Variants in MARCHF8 observed in about 807,000 individuals in gnomAD.
The protein encoded by MARCHF8 is membrane associated ring-CH-type finger 8.
MARCHF8 carries 40 observed loss-of-function variants against 51.6 expected under a neutral mutation model. That is an observed-to-expected ratio of 0.77 (90% CI 0.60 to 1.01). The LOEUF (loss-of-function observed/expected upper bound fraction) is 1.01, where lower values mean the gene tolerates loss of function less well. MARCHF8 is among the 50% of genes least tolerant of loss of function. The pLI, the probability that MARCHF8 is intolerant of heterozygous loss-of-function variation, is 0.00. For missense variants in MARCHF8, 685 were observed against 708.6 expected (o/e 0.97, Z 0.38); for synonymous variants, 263 against 280.3 (o/e 0.94, Z 0.62).
At chr10:45,558,744 T>C (rs2044278978) in intron 1 of MARCHF8, among the ~76,000 whole-genome samples, 1 of 152,202 alleles carries the variant, frequency 6.6e-6, no homozygotes. Flanking sequence ...AACACCCAGC[T>C]ACTGACAGTG....
In MARCHF8 at chr10:45,458,279, G is replaced by A. The variant is rs1249066332; in HGVS notation, c.1682C>T (p.Thr561Ile). Residue 561 changes from threonine (T) to isoleucine (I), a missense_variant, in exon 8 of 8, where the codon ACA (threonine) becomes ATA (isoleucine). Physicochemically the swap from Thr to Ile is moderately conservative, Grantham distance 89. Coordinates refer to ENST00000453424, the MANE Select transcript of MARCHF8 (RefSeq NM_001282866.2). Reference sequence around the variant, plus strand: ...TTCTGCTCCAGTGTCTTCAGGCTCTGTGCAACAAGAAGAGTTTGTGTCGGA... The same window carrying A: ...TTCTGCTCCAGTGTCTTCAGGCTCTATGCAACAAGAAGAGTTTGTGTCGGA... ...CHSDTNSSCC[T>I]EPEDTGAEII... 3 of 1,613,748 alleles carry A rather than the reference G, an allele frequency of 1.9e-6. No individual in the cohort carries two copies. Among genetic ancestry groups the A allele is most frequent in the Non-Finnish European group, 2.5e-6 (3 of 1,179,954 alleles).
At chr10:45,582,972 G>A (rs1307222499) in intron 1 of MARCHF8, among the ~76,000 whole-genome samples, 1 of 152,156 alleles carries the variant, frequency 6.6e-6, no homozygotes, top group Non-Finnish European at 1.5e-5. Flanking sequence ...AATGGTAAAT[G>A]AGGAGTTTAA....
At chr10:45,530,867 A>G (rs2043869004) in intron 2 of MARCHF8, among the ~76,000 whole-genome samples, 1 of 152,216 alleles carries the variant, frequency 6.6e-6, no homozygotes, top group Admixed American at 6.5e-5. Flanking sequence ...GCCAACAATG[A>G]CAGAAAAGAG....
At chr10:45,489,534 G>T in intron 2 of MARCHF8, 117 bp from the exon 3 acceptor site, 1 of 907,764 alleles carries the variant, frequency 1.1e-6, no homozygotes, top group Non-Finnish European at 1.7e-6. Flanking sequence ...AATTTGCAAA[G>T]CACAACCTAC....
intron 2 of MARCHF8, among the ~76,000 whole-genome samples, chr10:45,518,964 T>C (rs1251891114): frequency 6.6e-6 from 1 of 152,220 alleles, no homozygotes; most frequent in Non-Finnish European, 1.5e-5. Context: ...ACACTTCCTT[T>C]GTCAGTGTTA....
At chr10:45,536,407 T>C (rs1335507908), upstream of MARCHF8, among the ~76,000 whole-genome samples, 2 of 151,380 alleles carry the variant, frequency 1.3e-5, no homozygotes, top group African/African-American at 4.9e-5. Flanking sequence ...AAACTACACA[T>C]CATCAGAATA....
intron 1 of MARCHF8, among the ~76,000 whole-genome samples, chr10:45,549,128 G>A (rs1331027102): frequency 6.6e-6 from 1 of 152,146 alleles, no homozygotes; most frequent in Non-Finnish European, 1.5e-5. Context: ...GAGAGGTCAA[G>A]GCTCCAGCAG....
At chr10:45,475,569 C>T (rs1332092433) in intron 3 of MARCHF8, among the ~76,000 whole-genome samples, 3 of 152,154 alleles carry the variant, frequency 2.0e-5, no homozygotes, top group African/African-American at 4.8e-5. Flanking sequence ...CACTCAATTG[C>T]GTACACATTT....
intron 1 of MARCHF8, among the ~76,000 whole-genome samples, chr10:45,590,373 A>C (rs1485814213): frequency 6.6e-6 from 1 of 152,110 alleles, no homozygotes; most frequent in Non-Finnish European, 1.5e-5. Context: ...TGGATACTAG[A>C]CCTTTAATAG....
chr10:45,572,571 T>C (rs2044442912), intron 1 of MARCHF8, among the ~76,000 whole-genome samples: 1 of 152,186 alleles, frequency 6.6e-6, no homozygotes, highest in African/African-American at 2.4e-5. Context: ...AAATAATTCT[T>C]GTTGTAAAAT....
Position 45,515,877 on chromosome 10 carries a change from C to T in MARCHF8, c.102+17233G>A, listed in dbSNP as rs556775625. Among the ~76,000 whole-genome samples the T allele has an allele frequency of 6.6e-5, 10 of 152,330 alleles. No homozygotes were observed. In the South Asian group the frequency reaches 2.1e-3, roughly 32 times the overall value. On this transcript the variant is annotated intron_variant, in intron 2 of 7. Transcript: ENST00000453424. The stretch of plus-strand genomic sequence containing the variant: ...GGTGTGTGGTAAAGAGACAAAGGAA[C>T]CAGTCTCTATTGAAAGCCCTAACTC...
intron 1 of MARCHF8, among the ~76,000 whole-genome samples, chr10:45,560,614 GTCCCCTAGCCCGC>G (rs144025206): frequency 1.3e-5 from 2 of 152,126 alleles, no homozygotes; most frequent in African/African-American, 4.8e-5. Flanking sequence ...GAGCAGCCCG[GTCCCCTAGCCCGC>G]TCCCCTAGCT....
chr10:45,534,754 C>A (rs1054205955), intron 1 of MARCHF8, among the ~76,000 whole-genome samples: 2 of 152,036 alleles, frequency 1.3e-5, no homozygotes, highest in Non-Finnish European at 2.9e-5. Flanking sequence ...GGCCTGACAA[C>A]CCCAAGGTCA....
Position 45,458,270 on chromosome 10 carries a change from T to C in MARCHF8, c.1691A>G (p.Glu564Gly). ...GTGAATGATTTCTGCTCCAGTGTCTTCAGGCTCTGTGCAACAAGAAGAGTT... is the reference window on the plus strand; with the variant it reads ...GTGAATGATTTCTGCTCCAGTGTCTCCAGGCTCTGTGCAACAAGAAGAGTT... ...DTNSSCCTEPEDTGAEIIHV is the reference protein window; with the variant it reads ...DTNSSCCTEPGDTGAEIIHV The change falls in exon 8 of 8, where the codon GAA (glutamate) becomes GGA (glycine). Residue 564 changes from glutamate (E) to glycine (G), a missense_variant. By Grantham distance (98) the Glu-to-Gly change is moderately conservative. Coordinates refer to ENST00000453424, the MANE Select transcript of MARCHF8 (RefSeq NM_001282866.2). The C allele has an allele frequency of 1.2e-6, 2 of 1,613,650 alleles. No individual in the cohort carries two copies. The highest frequency in any genetic ancestry group is 1.7e-6 in the Non-Finnish European group (2 of 1,179,862).
At position 45,463,777 on chromosome 10, in the gene MARCHF8, G is replaced by C. The variant is rs1319404070; in HGVS notation, c.462C>G (p.Phe154Leu). 1.9e-6 allele frequency: 3 copies of C among 1,551,004 alleles called. No homozygotes were observed. The highest frequency in any genetic ancestry group is 2.4e-5 in the East Asian group (1 of 40,920). ...KNTKARRTLK[F>L]SRSLNDVGEK... Reference sequence around the variant, plus strand: ...CACCCACATCATTGAGGGACCTTGAGAACTTTAGTGTTCTTCTGGCTTTGG... The same window carrying C: ...CACCCACATCATTGAGGGACCTTGACAACTTTAGTGTTCTTCTGGCTTTGG... Residue 154 changes from phenylalanine to leucine, a missense_variant, in exon 5 of 8, where the codon TTC (phenylalanine) becomes TTG (leucine). By Grantham distance (22) the Phe-to-Leu change is conservative. Transcript: ENST00000453424.
In MARCHF8 at chr10:45,467,538, A is replaced by C. The variant is rs949697225; in HGVS notation, c.154-3211T>G. On this transcript the variant is annotated intron_variant, in intron 3 of 7. Coordinates refer to ENST00000453424, the MANE Select transcript of MARCHF8 (RefSeq NM_001282866.2). Reference sequence around the variant, plus strand: ...CTGAGAGAAATCTATCAACCAACAAAGACCTAAAAGACTGGCCTGATCAAC... The same window carrying C: ...CTGAGAGAAATCTATCAACCAACAACGACCTAAAAGACTGGCCTGATCAAC... 2.6e-5 allele frequency among the ~76,000 whole-genome samples: 4 copies of C among 152,186 alleles called. No individual in the cohort carries two copies. In the East Asian group the frequency reaches 5.8e-4, roughly 22 times the overall value.
At chr10:45,542,097 G>A (rs1053039469) in intron 1 of MARCHF8, among the ~76,000 whole-genome samples, 3 of 152,144 alleles carry the variant, frequency 2.0e-5, no homozygotes, top group Non-Finnish European at 4.4e-5. Context: ...GGTAATCCCA[G>A]CACTCTGGGA....
intron 2 of MARCHF8, among the ~76,000 whole-genome samples, chr10:45,512,100 G>A (rs553651094): frequency 4.0e-5 from 6 of 148,714 alleles, no homozygotes; most frequent in East Asian, 4.1e-4. Context: ...CTGCCCCGCC[G>A]CCCCGTCTGG....
intron 6 of MARCHF8, 80 bp downstream of exon 6, chr10:45,461,151 A>G: frequency 8.9e-7 from 1 of 1,129,934 alleles, no homozygotes; most frequent in Non-Finnish European, 1.2e-6. Context: ...CAGGCAAGCC[A>G]TGACCTCATG....
Sources: allele counts gnomAD v4.1 joint callset (sites outside exome capture counted in the v4.1 genomes callset), GRCh38; gene constraint gnomAD v4.1.1; transcripts MANE v1.5; gene names NCBI Gene and HGNC (gene_info 2026-07-23, HGNC 2026-07-21).